PIWIL1: variants seen among roughly 807,000 people sequenced by gnomAD.
PIWIL1 encodes piwi-like protein 1.
A neutral mutation model predicts 114.4 loss-of-function variants in PIWIL1; 73 were observed. The ratio of observed to expected loss-of-function variants is 0.64; its 90% confidence interval spans 0.53 to 0.78. The LOEUF (loss-of-function observed/expected upper bound fraction) is 0.78. Ranked by LOEUF, PIWIL1 falls within the 30% of genes least tolerant of loss-of-function variation. The pLI is 0.00. For missense variants in PIWIL1, 723 were observed against 1,063.1 expected, an observed-to-expected ratio of 0.68 and a Z score of 4.45; for synonymous variants, 375 against 369.0, an observed-to-expected ratio of 1.02 and a Z score of -0.19.
the PIWIL1 span, chr12:130,422,455 A>T: frequency 2.9e-5 from 47 of 1,605,764 alleles, 1 homozygote; most frequent in African/African-American, 4.9e-4. The surrounding 1 kb of genome is among the most constrained non-coding windows in gnomAD (Gnocchi z 5.2). Flanking sequence ...CCACTAACCG[A>T]TGGATGGGAC....
chr12:130,347,395 G>A (rs945812163), intron 6 of PIWIL1, among the ~76,000 whole-genome samples: 10 of 152,158 alleles, frequency 6.6e-5, no homozygotes, highest in East Asian at 5.8e-4. Context: ...AGTTCAGGTC[G>A]TTTGTTCCAC....
intron 1 of PIWIL1, among the ~76,000 whole-genome samples, chr12:130,341,972 C>T (rs923234736): frequency 6.6e-6 from 1 of 152,014 alleles, no homozygotes; most frequent in African/African-American, 2.4e-5. Flanking sequence ...TTAGATATAA[C>T]GTATATGGTG....
chr12:130,342,370 C>T (rs2072945143), intron 1 of PIWIL1: 1 of 559,232 alleles, frequency 1.8e-6, no homozygotes, highest in East Asian at 2.8e-5. Flanking sequence ...TTTGGCCCTA[C>T]TGCAGTGCCC....
At chr12:130,376,389 G>A (rs565238826), downstream of PIWIL1, among the ~76,000 whole-genome samples, 33 of 152,330 alleles carry the variant, frequency 2.2e-4, no homozygotes, top group South Asian at 5.4e-3. Flanking sequence ...GCCTGAGGGC[G>A]CGTTAGAGTG....
intron 16 of PIWIL1, 146 bp from the exon 17 acceptor site, chr12:130,362,620 A>T (rs2073545246): frequency 1.5e-6 from 1 of 653,160 alleles, no homozygotes. Flanking sequence ...AGGTTTTTAT[A>T]AAGTATTTGG....
At chr12:130,411,732 T>A in the PIWIL1 span, among the ~76,000 whole-genome samples, 4 of 152,166 alleles carry the variant, frequency 2.6e-5, no homozygotes, top group South Asian at 6.2e-4. Context: ...AGATCTTCGA[T>A]CTCATGGATT....
the PIWIL1 span, among the ~76,000 whole-genome samples, chr12:130,393,436 G>A: frequency 6.8e-6 from 1 of 148,092 alleles, no homozygotes; most frequent in Non-Finnish European, 1.5e-5. Context: ...AATACTGAAT[G>A]TTGTGATGAC....
At chr12:130,339,144 G>A (rs762022442) in intron 1 of PIWIL1, among the ~76,000 whole-genome samples, 11 of 152,090 alleles carry the variant, frequency 7.2e-5, no homozygotes, top group Non-Finnish European at 1.6e-4. Context: ...GGAAGAGGAC[G>A]GAACTCCGGA....
the PIWIL1 span, among the ~76,000 whole-genome samples, chr12:130,386,173 G>A: frequency 6.6e-6 from 1 of 151,496 alleles, no homozygotes; most frequent in East Asian, 1.9e-4. Flanking sequence ...TAAGTAGATT[G>A]TTTGTTTCTT....
chr12:130,348,034 G>A lies in PIWIL1; in HGVS notation c.654-69G>A, dbSNP rs191079833. On this transcript the variant is annotated intron_variant, in intron 6 of 20. Coordinates refer to ENST00000245255, the MANE Select transcript of PIWIL1 (RefSeq NM_004764.5). The stretch of plus-strand genomic sequence containing the variant: ...CAATTTGCCAACCCCTGCTCTAAAC[G>A]ACATGCTGTTCTGATTGTCGTATTA... 2,052 of 1,056,128 alleles carry A rather than the reference G, an allele frequency of 1.9e-3. 8 individuals carry two copies. Among genetic ancestry groups the A allele is most frequent in the Non-Finnish European group, 2.8e-3 (1,967 of 705,802 alleles). The allele number at this position is 1,056,128 out of a possible 1,614,324, so 65.4% of individuals were successfully genotyped here.
At chr12:130,340,791 G>A (rs995276094) in intron 1 of PIWIL1, among the ~76,000 whole-genome samples, 1 of 151,996 alleles carries the variant, frequency 6.6e-6, no homozygotes, top group Non-Finnish European at 1.5e-5. Flanking sequence ...GTCATGATGC[G>A]CACATTATAA....
the PIWIL1 span, among the ~76,000 whole-genome samples, chr12:130,417,964 CAGAG>C: frequency 6.6e-6 from 1 of 152,038 alleles, no homozygotes. Context: ...CAGCTGGCAG[CAGAG>C]AGAGCAGCAT....
the PIWIL1 span, chr12:130,397,179 G>A: frequency 5.5e-6 from 2 of 363,514 alleles, no homozygotes; most frequent in Non-Finnish European, 9.8e-6. Context: ...CGGTGACAGA[G>A]AGCAACCGCT....
the PIWIL1 span, among the ~76,000 whole-genome samples, chr12:130,421,736 C>T: frequency 2.5e-5 from 3 of 121,386 alleles, no homozygotes; most frequent in African/African-American, 1.0e-4. Flanking sequence ...TTCATAGAAG[C>T]CTGGTTCCTC....
chr12:130,349,112 A>G, intron 7 of PIWIL1, 127 bp from the exon 8 acceptor site: 1 of 607,228 alleles, frequency 1.6e-6, no homozygotes. Flanking sequence ...TCCTAGAAAT[A>G]AGGAAATTGA....
At chr12:130,352,633 C>T (rs1289423570) in intron 9 of PIWIL1, among the ~76,000 whole-genome samples, 3 of 152,144 alleles carry the variant, frequency 2.0e-5, no homozygotes, top group South Asian at 2.1e-4. Context: ...TGAGCCGAGA[C>T]AGCACTCCAG....
At chr12:130,399,786 C>G in the PIWIL1 span, 67 of 1,614,046 alleles carry the variant, frequency 4.2e-5, 1 homozygote, top group Admixed American at 2.8e-4. Context: ...TTTGAGGGCA[C>G]AAGGCCTTTC....
the PIWIL1 span, chr12:130,407,868 G>T: frequency 5.1e-6 from 8 of 1,572,286 alleles, no homozygotes; most frequent in Non-Finnish European, 7.0e-6. Flanking sequence ...CCATCATGAG[G>T]TTATTTCAAA....
chr12:130,382,537 TG>T, the PIWIL1 span, among the ~76,000 whole-genome samples: 17 of 152,264 alleles, frequency 1.1e-4, no homozygotes, highest in Non-Finnish European at 2.5e-4. Context: ...GCTGGCCAAA[TG>T]GATTTGTCGT....
Sources: gnomAD v4.1 joint callset for allele counts (sites outside exome capture counted in the v4.1 genomes callset) on GRCh38, gnomAD v4.1.1 for gene constraint, Gnocchi (gnomAD v3.1) non-coding constraint, MANE v1.5 for transcripts, NCBI Gene and HGNC (gene_info 2026-07-23, HGNC 2026-07-21) for gene names.